The following ELAPOR2 variants were observed in gnomAD, a reference collection of about 807,000 sequenced individuals.
ELAPOR2 encodes the protein endosome-lysosome associated apoptosis and autophagy regulator family member 2.
A neutral mutation model predicts 120.7 loss-of-function variants in ELAPOR2; 89 were observed. The observed-to-expected ratio is 0.74, with a 90% confidence interval of 0.62 to 0.88. The LOEUF (loss-of-function observed/expected upper bound fraction) is 0.88. ELAPOR2 is among the 40% of genes least tolerant of loss of function. ELAPOR2 has a pLI of 0.00. For missense variants in ELAPOR2, 1,134 were observed against 1,251.6 expected (o/e 0.91, Z 1.42); for synonymous variants, 444 against 444.9 (o/e 1.00, Z 0.03).
At chr7:86,988,432 A>C (rs1792832422) in intron 1 of ELAPOR2, among the ~76,000 whole-genome samples, 1 of 152,254 alleles carries the variant, frequency 6.6e-6, no homozygotes, top group Non-Finnish European at 1.5e-5. Flanking sequence ...CTATTTATGT[A>C]GCATTTACAT....
intron 6 of ELAPOR2, among the ~76,000 whole-genome samples, chr7:86,939,767 A>T (rs1790723495): frequency 6.6e-6 from 1 of 152,070 alleles, no homozygotes. Context: ...AGACATCTAA[A>T]ATTGTCATCA....
chr7:86,947,781 G>C lies in ELAPOR2; in HGVS notation c.452C>G (p.Thr151Arg). The C allele has an allele frequency of 6.4e-7, 1 of 1,551,722 alleles. No homozygotes were observed. The highest frequency in any genetic ancestry group is 1.2e-5 in the South Asian group (1 of 84,068). ...AGGGCCCACCACAGTGTCCATGAAT[G>C]TTGCGATGTTAGAAAATCCTGCCGG... ...ELPAGFSNIA[T>R]FMDTVVGPSD... The change falls in exon 3 of 22, where the codon ACA (threonine) becomes AGA (arginine). Residue 151 changes from threonine to arginine, a missense_variant. Physicochemically the swap from Thr to Arg is moderately conservative, Grantham distance 71. Coordinates refer to ENST00000450689, the MANE Select transcript of ELAPOR2 (RefSeq NM_001142749.3).
rs1795358908 is a variant in ELAPOR2, at chr7:87,059,306, A to G, written c.189+19T>C. The G allele has an allele frequency of 1.6e-6, 2 of 1,247,836 alleles. No individual in the cohort carries two copies. The highest frequency in any genetic ancestry group is 2.0e-6 in the Non-Finnish European group (2 of 988,078). 77.3% of individuals were successfully genotyped at this position (1,247,836 alleles called of 1,614,324 possible). On this transcript the variant is annotated intron_variant, in intron 1 of 21. Transcript: ENST00000450689. ...CCCTCCCCCAGCAAACTCCAGGTAGAGGACCAGGTGCTGCTCACCTCCTGG... is the reference window on the plus strand; with the variant it reads ...CCCTCCCCCAGCAAACTCCAGGTAGGGGACCAGGTGCTGCTCACCTCCTGG...
chr7:86,883,372 C>T (rs778847961), intron 21 of ELAPOR2, among the ~76,000 whole-genome samples: 8 of 151,984 alleles, frequency 5.3e-5, no homozygotes, highest in Non-Finnish European at 1.2e-4. Context: ...AGTTAATGAA[C>T]ATAAACATTT....
chr7:86,897,545 G>A lies in ELAPOR2; in HGVS notation c.2646C>T (p.Asp882=). 6.2e-7 allele frequency: 1 copy of A among 1,613,258 alleles called. No homozygotes were observed. The highest frequency in any genetic ancestry group is 8.5e-7 in the Non-Finnish European group (1 of 1,179,480). ...TGCAGGCTCCCTCAATCTCATGGAA[G>A]TCATGCTCCGTACACAGAGGGCAAG... is the stretch of plus-strand genomic sequence containing the variant. ...AEACPLCTEH[D]FHEIEGACKR... Residue 882 remains aspartate, a synonymous_variant, in exon 19 of 22, where the codon GAC becomes GAT. Transcript: ENST00000450689.
intron 1 of ELAPOR2, among the ~76,000 whole-genome samples, chr7:86,988,091 A>T (rs1792816060): frequency 6.6e-6 from 1 of 152,196 alleles, no homozygotes; most frequent in Non-Finnish European, 1.5e-5. Flanking sequence ...GCAAACTATC[A>T]CAAGGACAGA....
chr7:87,024,567 CGCTG>C lies in ELAPOR2; in HGVS notation c.189+34754_189+34757del, dbSNP rs562098339. Among the ~76,000 whole-genome samples, 36 of 152,080 alleles carry C rather than the reference CGCTG, an allele frequency of 2.4e-4. 2 individuals carry two copies. The South Asian group carries it at 7.5e-3, about 32-fold the overall frequency. ...CTGCCAGGCTTTGGTATCAGGATGA[CGCTG>C]GCCTCATAAAATGAGTTAGGGAGGA... On this transcript the variant is annotated intron_variant, in intron 1 of 21. Coordinates refer to ENST00000450689, the MANE Select transcript of ELAPOR2 (RefSeq NM_001142749.3).
At chr7:86,888,438 G>A (rs1799795801) in intron 21 of ELAPOR2, among the ~76,000 whole-genome samples, 1 of 152,054 alleles carries the variant, frequency 6.6e-6, no homozygotes, top group Admixed American at 6.6e-5. Flanking sequence ...GGGTCACCCT[G>A]TCACCTTCCT....
In ELAPOR2 at chr7:86,938,167, C is replaced by G; in HGVS notation, c.1048G>C (p.Asp350His). 6.4e-7 allele frequency: 1 copy of G among 1,552,320 alleles called. No homozygotes were observed. Among genetic ancestry groups the G allele is most frequent in the Non-Finnish European group, 8.7e-7 (1 of 1,146,632 alleles). ...CTERPPCTTK[D>H]YFQIHTPCDE... is the part of the protein sequence containing the mutation. ...CATGGAGTATGGATCTGGAAATAGT[C>G]TTTTGTGGTACAGGGAGGGCGCTCT... The change falls in exon 8 of 22, where the codon GAC becomes CAC. Residue 350 changes from aspartate to histidine, a missense_variant. Around this residue, in one of 3 missense-constraint regions of ELAPOR2, gnomAD observed 831 missense variants for 867.6 expected, o/e 0.96. Coordinates refer to ENST00000450689, the MANE Select transcript of ELAPOR2 (RefSeq NM_001142749.3).
chr7:86,988,688 A>G (rs1325914451), intron 1 of ELAPOR2, among the ~76,000 whole-genome samples: 1 of 152,228 alleles, frequency 6.6e-6, no homozygotes, highest in Non-Finnish European at 1.5e-5. Flanking sequence ...TTCAAAAAGT[A>G]TGTGTCAAAA....
intron 1 of ELAPOR2, among the ~76,000 whole-genome samples, chr7:87,006,911 G>A (rs1050776444): frequency 1.3e-5 from 2 of 152,134 alleles, no homozygotes; most frequent in African/African-American, 4.8e-5. Context: ...CAATGTGGAT[G>A]AATCTCAAAA....
intron 18 of ELAPOR2, among the ~76,000 whole-genome samples, chr7:86,902,860 C>T (rs1788787195): frequency 6.6e-6 from 1 of 152,136 alleles, no homozygotes; most frequent in Non-Finnish European, 1.5e-5. Flanking sequence ...AACCCCTCAC[C>T]CTTCAAAGTG....
chr7:86,991,642 A>G (rs1472728927), intron 1 of ELAPOR2, among the ~76,000 whole-genome samples: 1 of 152,164 alleles, frequency 6.6e-6, no homozygotes, highest in Non-Finnish European at 1.5e-5. Flanking sequence ...GGCAGTTCAG[A>G]GCCAGTTTGT....
At chr7:86,899,498 T>A (rs545733605) in intron 18 of ELAPOR2, among the ~76,000 whole-genome samples, 1 of 152,262 alleles carries the variant, frequency 6.6e-6, no homozygotes, top group Non-Finnish European at 1.5e-5. Context: ...AAAACACTCT[T>A]TTGAAGTTTT....
intron 12 of ELAPOR2, among the ~76,000 whole-genome samples, chr7:86,917,429 A>G (rs549089259): frequency 1.3e-5 from 2 of 152,282 alleles, no homozygotes; most frequent in South Asian, 2.1e-4. Context: ...AAAAGAAAAA[A>G]TAATAATTTT....
intron 16 of ELAPOR2, 34 bp downstream of exon 16, chr7:86,909,778 G>C: frequency 6.8e-7 from 1 of 1,473,328 alleles, no homozygotes; most frequent in Non-Finnish European, 9.3e-7. Context: ...AAGAATAAAT[G>C]TATGCATGCA....
At chr7:86,941,855 C>A (rs1280139494) in intron 5 of ELAPOR2, among the ~76,000 whole-genome samples, 163 bp downstream of exon 5, 1 of 151,478 alleles carries the variant, frequency 6.6e-6, no homozygotes, top group Admixed American at 6.6e-5. Flanking sequence ...TTTTCCGTAA[C>A]CAGAAATCAT....
In ELAPOR2 at chr7:86,913,037, C is replaced by G; in HGVS notation, c.1899G>C (p.Gln633His). 1 of 1,614,008 alleles carries G rather than the reference C, an allele frequency of 6.2e-7. No individual in the cohort carries two copies. Among genetic ancestry groups the G allele is most frequent in the Non-Finnish European group, 8.5e-7 (1 of 1,179,982 alleles). Residue 633 changes from glutamine to histidine, a missense_variant, in exon 14 of 22, where the codon CAG becomes CAC. Physicochemically the swap from Gln to His is conservative, Grantham distance 24 (BLOSUM62 0). This residue lies in a region of ELAPOR2 where 831 missense variants were observed against 867.6 expected (regional missense o/e 0.96). Transcript: ENST00000450689. ...AGGTGTCAGGTGGACATTCCTTGCA[C>G]TGGTTGGTTTCTTTCTCAATGTAGT... ...PGHYIEKETN[Q>H]CKECPPDTYL... is the part of the protein sequence containing the mutation.
At chr7:86,949,906 G>C (rs1180830714) in intron 2 of ELAPOR2, among the ~76,000 whole-genome samples, 2 of 152,208 alleles carry the variant, frequency 1.3e-5, no homozygotes, top group African/African-American at 4.8e-5. Flanking sequence ...GGATGGAAGG[G>C]GATGGGTCCC....
Sources: gnomAD v4.1 joint callset for allele counts (sites outside exome capture counted in the v4.1 genomes callset) on GRCh38, gnomAD v4.1.1 for gene constraint, gnomAD v4.1.1 regional missense constraint, MANE v1.5 for transcripts, NCBI Gene and HGNC (gene_info 2026-07-23, HGNC 2026-07-21) for gene names.